TENM4: variants seen among roughly 807,000 people sequenced by gnomAD.
The protein encoded by TENM4 is teneurin-4.
A neutral mutation model predicts 243.3 loss-of-function variants in TENM4; 82 were observed. That is an observed-to-expected ratio of 0.34 (90% CI 0.28 to 0.40). TENM4 has a LOEUF of 0.40. Ranked by LOEUF, TENM4 falls within the 10% of genes least tolerant of loss-of-function variation. TENM4 has a pLI of 1.00. For synonymous variants in TENM4, 1,412 were observed against 1,456.3 expected (o/e 0.97, Z 0.69); for missense variants, 3,138 against 3,673.3 (o/e 0.85, Z 3.77).
chr11:79,252,563 G>A (rs1173930481), intron 2 of TENM4, among the ~76,000 whole-genome samples: 2 of 152,096 alleles, frequency 1.3e-5, no homozygotes, highest in South Asian at 2.1e-4. Context: ...CTAGTTTGTC[G>A]GCCAGAAAAC....
At chr11:79,216,944 A>C (rs1482098125) in intron 2 of TENM4, among the ~76,000 whole-genome samples, 1 of 152,168 alleles carries the variant, frequency 6.6e-6, no homozygotes, top group African/African-American at 2.4e-5. Flanking sequence ...GTCCTTACGC[A>C]GAAGAGTCCT....
In TENM4 at chr11:78,844,699, GA is replaced by G. The variant is rs1188846132; in HGVS notation, c.1681+9404del. Reference sequence around the variant, plus strand: ...CTCTTTCCCTCCATATATACACAGAGAAAAGCCCACATGAGGACGAGGACAA... The same window carrying G: ...CTCTTTCCCTCCATATATACACAGAGAAAGCCCACATGAGGACGAGGACAA... On this transcript the variant is annotated intron_variant, in intron 12 of 33. Coordinates refer to ENST00000278550, the MANE Select transcript of TENM4 (RefSeq NM_001098816.3). Among the ~76,000 whole-genome samples, 4 of 151,794 alleles carry G rather than the reference GA, an allele frequency of 2.6e-5. No homozygotes were observed. In the East Asian group the frequency reaches 7.7e-4, roughly 29 times the overall value.
chr11:78,674,869 T>C (rs1166538990), intron 30 of TENM4, among the ~76,000 whole-genome samples: 1 of 150,842 alleles, frequency 6.6e-6, no homozygotes, highest in Non-Finnish European at 1.5e-5. Flanking sequence ...GCCTATTTTC[T>C]AGTTTTTTTT....
At chr11:79,128,152 C>A (rs543466692) in intron 4 of TENM4, among the ~76,000 whole-genome samples, 6 of 152,286 alleles carry the variant, frequency 3.9e-5, no homozygotes, top group Non-Finnish European at 7.4e-5. Flanking sequence ...ATGTTTGGAG[C>A]CTTTGGCAGG....
At chr11:79,019,552 T>C (rs558995953) in intron 6 of TENM4, among the ~76,000 whole-genome samples, 1 of 152,352 alleles carries the variant, frequency 6.6e-6, no homozygotes, top group South Asian at 2.1e-4. Flanking sequence ...GAAAGCCCTC[T>C]AAAAGCTAGT....
At chr11:78,748,944 A>T (rs1350708518) in intron 19 of TENM4, among the ~76,000 whole-genome samples, 1 of 152,146 alleles carries the variant, frequency 6.6e-6, no homozygotes, top group Non-Finnish European at 1.5e-5. Context: ...CACCAGCCCA[A>T]GGTCCCATGT....
At chr11:79,060,971 G>T (rs900680229) in intron 6 of TENM4, among the ~76,000 whole-genome samples, 1 of 152,150 alleles carries the variant, frequency 6.6e-6, no homozygotes, top group Non-Finnish European at 1.5e-5. Context: ...GGGGCCCAGG[G>T]GTTTGTTGAG....
chr11:78,658,105 C>T lies in TENM4; in HGVS notation c.8263G>A (p.Ala2755Thr), dbSNP rs377035207. Reference protein sequence around the residue: ...VEQYPELSDSANNIHFMRQSE... With the variant: ...VEQYPELSDSTNNIHFMRQSE... The stretch of plus-strand genomic sequence containing the variant: ...TGTCTCATGAAGTGGATGTTGTTGG[C>T]GCTGTCTGACAGTTCTGGGTACTGC... Residue 2755 changes from alanine to threonine, a missense_variant, in exon 34 of 34, where the codon GCC (alanine) becomes ACC (threonine). Coordinates refer to ENST00000278550, the MANE Select transcript of TENM4 (RefSeq NM_001098816.3). 27 of 1,613,892 alleles carry T rather than the reference C, an allele frequency of 1.7e-5. No homozygotes were observed. Among genetic ancestry groups the T allele is most frequent in the African/African-American group, 1.1e-4 (8 of 74,924 alleles).
intron 6 of TENM4, among the ~76,000 whole-genome samples, chr11:78,976,736 G>T (rs554057809): frequency 1.3e-5 from 2 of 152,132 alleles, no homozygotes; most frequent in East Asian, 3.9e-4. Context: ...TGAGTGACCA[G>T]GTCTGGTTCT....
chr11:79,422,829 T>G (rs752018941), intron 1 of TENM4, among the ~76,000 whole-genome samples: 6 of 152,150 alleles, frequency 3.9e-5, no homozygotes, highest in Non-Finnish European at 8.8e-5. Flanking sequence ...GGCTTCTATT[T>G]TGGCTCTTCT....
chr11:78,987,627 G>A (rs1478466652), intron 6 of TENM4, among the ~76,000 whole-genome samples: 1 of 152,186 alleles, frequency 6.6e-6, no homozygotes, highest in East Asian at 1.9e-4. Flanking sequence ...TGTAATGCAT[G>A]CATGTTATTC....
chr11:78,776,475 C>A (rs949492674), intron 17 of TENM4, among the ~76,000 whole-genome samples: 2 of 152,128 alleles, frequency 1.3e-5, no homozygotes, highest in African/African-American at 4.8e-5. Context: ...CTTAGGAGTT[C>A]AGCATATTTG....
intron 4 of TENM4, among the ~76,000 whole-genome samples, chr11:79,103,473 A>G (rs543474746): frequency 6.6e-6 from 1 of 152,236 alleles, no homozygotes; most frequent in South Asian, 2.1e-4. Flanking sequence ...CATCCCCTTT[A>G]GGTGGAATCA....
chr11:78,922,461 T>G (rs76887098), intron 6 of TENM4, among the ~76,000 whole-genome samples: 2 of 152,200 alleles, frequency 1.3e-5, no homozygotes, highest in African/African-American at 4.8e-5. Context: ...CACACAGTGC[T>G]CTGTTTGCAA....
At chr11:78,836,442 A>C (rs1043739078) in intron 12 of TENM4, among the ~76,000 whole-genome samples, 3 of 152,226 alleles carry the variant, frequency 2.0e-5, no homozygotes, top group Admixed American at 6.5e-5. Context: ...AAGTTGGGAC[A>C]ATAATCTTAC....
In TENM4 at chr11:78,738,582, GAA is replaced by G. The variant is rs1278985333; in HGVS notation, c.2757-14_2757-13del. 1 of 1,612,592 alleles carries G rather than the reference GAA, an allele frequency of 6.2e-7. No individual in the cohort carries two copies. Among genetic ancestry groups the G allele is most frequent in the Non-Finnish European group, 8.5e-7 (1 of 1,179,316 alleles). On this transcript the variant is annotated splice_polypyrimidine_tract_variant and intron_variant, in intron 19 of 33. Transcript: ENST00000278550. ...TAACACAAGCATGCCTGTGGGAAGA[GAA>G]GAGAGAATAAACATGATACACCTTT... is the stretch of plus-strand genomic sequence containing the variant.
intron 4 of TENM4, among the ~76,000 whole-genome samples, chr11:79,144,779 T>C (rs1364170393): frequency 2.0e-5 from 3 of 152,020 alleles, no homozygotes; most frequent in East Asian, 1.9e-4. Flanking sequence ...TTACCAGAGG[T>C]TGGGAAGGGT....
intron 6 of TENM4, among the ~76,000 whole-genome samples, chr11:78,970,334 T>G (rs1473106017): frequency 6.6e-6 from 1 of 152,200 alleles, no homozygotes; most frequent in Admixed American, 6.5e-5. Flanking sequence ...TGAAATGGAT[T>G]GGAATCCACT....
At chr11:78,808,091 T>C (rs572087526) in intron 14 of TENM4, among the ~76,000 whole-genome samples, 23 of 152,350 alleles carry the variant, frequency 1.5e-4, no homozygotes, top group African/African-American at 5.5e-4. Context: ...ATGTATTCAT[T>C]AATTATATTT....
Sources: allele counts gnomAD v4.1 joint callset (sites outside exome capture counted in the v4.1 genomes callset), GRCh38; gene constraint gnomAD v4.1.1; transcripts MANE v1.5; gene names NCBI Gene and HGNC (gene_info 2026-07-23, HGNC 2026-07-21).